The following THSD7B variants were observed in gnomAD, a reference collection of about 807,000 sequenced individuals.
THSD7B encodes the protein thrombospondin type-1 domain-containing protein 7B.
THSD7B carries 138 observed loss-of-function variants against 213.6 expected under a neutral mutation model. The observed-to-expected ratio is 0.65, with a 90% confidence interval of 0.56 to 0.74. The LOEUF is 0.74. Ranked by LOEUF, THSD7B falls within the 30% of genes least tolerant of loss-of-function variation. The pLI is 0.00. For missense variants in THSD7B, 1,931 were observed against 1,991.5 expected, an observed-to-expected ratio of 0.97 and a Z score of 0.58; for synonymous variants, 742 against 687.0, an observed-to-expected ratio of 1.08 and a Z score of -1.25.
intron 2 of THSD7B, among the ~76,000 whole-genome samples, chr2:137,011,086 A>C (rs776890596): frequency 2.6e-5 from 4 of 152,174 alleles, no homozygotes; most frequent in Non-Finnish European, 5.9e-5. Flanking sequence ...AACTATTTAC[A>C]TTCTCTGACC....
intron 3 of THSD7B, among the ~76,000 whole-genome samples, chr2:137,061,866 C>T (rs1453673136): frequency 3.3e-5 from 5 of 151,790 alleles, no homozygotes; most frequent in African/African-American, 9.7e-5. Context: ...ATGCTGCCCT[C>T]TTCGAATGAA....
intron 12 of THSD7B, among the ~76,000 whole-genome samples, chr2:137,399,346 C>T (rs1177131450): frequency 6.6e-6 from 1 of 152,058 alleles, no homozygotes; most frequent in African/African-American, 2.4e-5. Context: ...GTATGCGCAG[C>T]CACGCCTGGC....
At chr2:137,370,280 A>G (rs1419605522) in intron 12 of THSD7B, among the ~76,000 whole-genome samples, 1 of 152,140 alleles carries the variant, frequency 6.6e-6, no homozygotes. Context: ...TATCAAATGT[A>G]TACATGCCCA....
intron 15 of THSD7B, among the ~76,000 whole-genome samples, chr2:137,546,413 TATTATATATATTA>T: frequency 2.9e-5 from 1 of 34,332 alleles, no homozygotes; most frequent in Non-Finnish European, 4.5e-5. Flanking sequence ...ATTATATATA[TATTATATATATTA>T]TATATATATT....
chr2:137,114,425 C>T (rs903552741), intron 4 of THSD7B, among the ~76,000 whole-genome samples: 2 of 152,110 alleles, frequency 1.3e-5, no homozygotes, highest in African/African-American at 4.8e-5. Flanking sequence ...ATTGTGTTTT[C>T]CCCCTTATTT....
chr2:137,166,307 A>C (rs555391158), intron 6 of THSD7B, among the ~76,000 whole-genome samples: 5 of 152,212 alleles, frequency 3.3e-5, no homozygotes, highest in Non-Finnish European at 7.3e-5. Context: ...TTATAATTAG[A>C]GATATATAAG....
At chr2:137,088,254 A>T (rs12987961) in intron 3 of THSD7B, among the ~76,000 whole-genome samples, 21,358 of 152,004 alleles carry the variant, frequency 0.14, 1,662 homozygotes, top group African/African-American at 0.17. Context: ...AAATAAAAAA[A>T]AAATAAAATT....
intron 20 of THSD7B, among the ~76,000 whole-genome samples, chr2:137,637,489 T>C (rs1414450233): frequency 6.6e-6 from 1 of 152,222 alleles, no homozygotes; most frequent in Non-Finnish European, 1.5e-5. Context: ...ACAAAATACA[T>C]CAAAATGCAG....
intron 12 of THSD7B, among the ~76,000 whole-genome samples, chr2:137,340,641 T>G (rs1684742178): frequency 6.6e-6 from 1 of 151,974 alleles, no homozygotes; most frequent in Middle Eastern, 3.4e-3. Context: ...TGGGTTCAAT[T>G]GTTTTAGATT....
chr2:137,211,318 ACT>A (rs993794484), intron 7 of THSD7B, among the ~76,000 whole-genome samples: 13 of 151,436 alleles, frequency 8.6e-5, no homozygotes, highest in Non-Finnish European at 1.8e-4. Flanking sequence ...TATTCAACAG[ACT>A]CTATCCTTCC....
chr2:137,187,877 C>A (rs1339285033), intron 7 of THSD7B, among the ~76,000 whole-genome samples: 1 of 151,870 alleles, frequency 6.6e-6, no homozygotes, highest in East Asian at 1.9e-4. Context: ...TTCCAATGTT[C>A]CCTTCATCCA....
At chr2:137,586,506 C>G (rs1681731781) in intron 17 of THSD7B, among the ~76,000 whole-genome samples, 1 of 152,200 alleles carries the variant, frequency 6.6e-6, no homozygotes, top group Admixed American at 6.5e-5. Context: ...GTGCTTCCTT[C>G]AGGAGCTCTT....
At chr2:137,389,176 T>C (rs116209674) in intron 12 of THSD7B, among the ~76,000 whole-genome samples, 3,506 of 135,728 alleles carry the variant, frequency 0.026, 157 homozygotes, top group African/African-American at 0.091. Context: ...CCATCACCAG[T>C]CTCACCATAT....
chr2:137,634,386 T>C (rs1310534897), intron 20 of THSD7B, among the ~76,000 whole-genome samples: 1 of 152,174 alleles, frequency 6.6e-6, no homozygotes, highest in Non-Finnish European at 1.5e-5. Flanking sequence ...TACTATTGCT[T>C]TTATATATCT....
chr2:136,928,076 G>A (rs28758550), intron 2 of THSD7B, among the ~76,000 whole-genome samples: 8,492 of 152,126 alleles, frequency 0.056, 554 homozygotes, highest in African/African-American at 0.16. Context: ...ACTTACAATG[G>A]AGTTACATCC....
chr2:136,817,318 T>C (rs1000373108), intron 1 of THSD7B, among the ~76,000 whole-genome samples: 1 of 151,942 alleles, frequency 6.6e-6, no homozygotes, highest in African/African-American at 2.4e-5. Context: ...AGGTTGCCTG[T>C]TCACTCTGAT....
chr2:137,303,519 AT>A, intron 12 of THSD7B, among the ~76,000 whole-genome samples: 1 of 151,236 alleles, frequency 6.6e-6, no homozygotes, highest in South Asian at 2.1e-4. Context: ...TCAAAGATTA[AT>A]CTCAGGTTCA....
At chr2:136,858,067 G>A (rs1683202767) in intron 1 of THSD7B, among the ~76,000 whole-genome samples, 1 of 152,088 alleles carries the variant, frequency 6.6e-6, no homozygotes, top group African/African-American at 2.4e-5. Context: ...CTTTATTTTG[G>A]ATGGTAATAG....
chr2:137,128,098 G>T (rs1383564391), intron 5 of THSD7B, among the ~76,000 whole-genome samples: 1 of 151,996 alleles, frequency 6.6e-6, no homozygotes, highest in Non-Finnish European at 1.5e-5. Context: ...GAACTAAAAT[G>T]GATTGGGAAC....
Sources: allele counts gnomAD v4.1 joint callset (sites outside exome capture counted in the v4.1 genomes callset), GRCh38; gene constraint gnomAD v4.1.1; transcripts MANE v1.5; gene names NCBI Gene and HGNC (gene_info 2026-07-23, HGNC 2026-07-21).